The following TEP1 variants were observed in gnomAD, a reference collection of about 807,000 sequenced individuals.
TEP1 encodes telomerase protein component 1.
A neutral mutation model predicts 306.3 loss-of-function variants in TEP1; 241 were observed. The observed-to-expected ratio is 0.79, with a 90% CI of 0.71 to 0.88. The LOEUF is 0.88. TEP1 is among the 40% of genes least tolerant of loss of function. The pLI, the probability that TEP1 is intolerant of heterozygous loss-of-function variation, is 0.00. For missense variants in TEP1, 3,051 were observed against 3,276.1 expected (o/e 0.93, Z 1.68); for synonymous variants, 1,289 against 1,305.5 (o/e 0.99, Z 0.27).
At chr14:20,386,751 C>CAGGTGCTTCTCTGA in intron 18 of TEP1, 128 bp from the exon 19 acceptor site, 1 of 1,077,104 alleles carries the variant, frequency 9.3e-7, no homozygotes, top group Non-Finnish European at 1.2e-6. Flanking sequence ...GGGTGCCCAG[C>CAGGTGCTTCTCTGA]AGGCCTTCAG....
chr14:20,378,042 C>A lies in TEP1; in HGVS notation c.5703G>T (p.Thr1901=). 1 of 1,613,530 alleles carries A rather than the reference C, an allele frequency of 6.2e-7. No individual in the cohort carries two copies. Among genetic ancestry groups the A allele is most frequent in the Non-Finnish European group, 8.5e-7 (1 of 1,180,032 alleles). The part of the protein sequence containing the change: ...LFLHAGCQLL[T]AGEDGKVQVW... Reference sequence around the variant, plus strand: ...AGCTGACCTTGCCATCCTCTCCAGCCGTCAGTAACTGGCAACCCGCATGCA... The same window carrying A: ...AGCTGACCTTGCCATCCTCTCCAGCAGTCAGTAACTGGCAACCCGCATGCA... The change falls in exon 39 of 55, where the codon ACG becomes ACT. Residue 1901 remains threonine (T), a synonymous_variant. Transcript: ENST00000262715.
At chr14:20,396,576 A>T (rs200209294) in intron 10 of TEP1, 45 bp downstream of exon 10, 116 of 1,533,534 alleles carry the variant, frequency 7.6e-5, no homozygotes, top group Non-Finnish European at 9.7e-5. Flanking sequence ...CTCCACGTGC[A>T]CATCTAGTTG....
chr14:20,369,129 TC>T (rs1884663191), intron 53 of TEP1, among the ~76,000 whole-genome samples: 1 of 151,888 alleles, frequency 6.6e-6, no homozygotes. Flanking sequence ...TGCCTCAGAC[TC>T]CCGAGTAGCT....
At chr14:20,400,464 G>A (rs1383525721) in intron 9 of TEP1, among the ~76,000 whole-genome samples, 6 of 65,924 alleles carry the variant, frequency 9.1e-5, no homozygotes, top group Non-Finnish European at 2.2e-4. Flanking sequence ...AGTAAAAAAC[G>A]AAAGAAAGAG....
rs147704289 is a variant in TEP1 at position 20,383,304 on chromosome 14, G to A, written c.3917C>T (p.Thr1306Ile). Residue 1306 changes from threonine (T) to isoleucine (I), a missense_variant, in exon 27 of 55, where the codon ACC becomes ATC. Physicochemically the swap from Thr to Ile is moderately conservative, Grantham distance 89. This residue lies in a region of TEP1 where 1,540 missense variants were observed against 1,705.9 expected (regional missense o/e 0.90). Transcript: ENST00000262715. ...SVSSDAGLGE[T>I]LEQSQGAHVL... is the part of the protein sequence containing the mutation. ...GTGGGCACCCTGGCTCTGCTCAAGG[G>A]TCTCCCCTAGGCCTGCATCACTAGA... 2.5e-6 allele frequency: 4 copies of A among 1,612,080 alleles called. No individual in the cohort carries two copies. In the African/African-American group the frequency reaches 5.3e-5, roughly 22 times the overall value.
At chr14:20,369,887 A>G (rs1344881701) in intron 51 of TEP1, 108 bp from the exon 52 acceptor site, 1 of 738,744 alleles carries the variant, frequency 1.4e-6, no homozygotes, top group Non-Finnish European at 2.2e-6. Flanking sequence ...TTTTTTTTTT[A>G]ACTACAACTT....
chr14:20,387,516 T>C (rs1185187328), intron 18 of TEP1, among the ~76,000 whole-genome samples: 1 of 140,596 alleles, frequency 7.1e-6, no homozygotes, highest in Non-Finnish European at 1.5e-5. Flanking sequence ...CACGCCACTG[T>C]ACCCCAGACT....
At position 20,403,817 on chromosome 14, in the gene TEP1, T is replaced by C. The variant is rs1434495233; in HGVS notation, c.1100A>G (p.Asp367Gly). ...GTACTCGTCAAACTGGGCAAATTTGTCCGTCATGGCAGTACGGAGACAGGC... is the reference window on the plus strand; with the variant it reads ...GTACTCGTCAAACTGGGCAAATTTGCCCGTCATGGCAGTACGGAGACAGGC... Reference protein sequence around the residue: ...LPACLRTAMTDKFAQFDEYQL... With the variant: ...LPACLRTAMTGKFAQFDEYQL... Residue 367 changes from aspartate to glycine, a missense_variant, in exon 6 of 55, where the codon GAC becomes GGC. Physicochemically the swap from Asp to Gly is moderately conservative, Grantham distance 94. This residue lies in a region of TEP1 where 1,507 missense variants were observed against 1,550.5 expected (regional missense o/e 0.97). Transcript: ENST00000262715. 6.2e-7 allele frequency: 1 copy of C among 1,614,024 alleles called. No individual in the cohort carries two copies. Among genetic ancestry groups the C allele is most frequent in the African/African-American group, 1.3e-5 (1 of 74,918 alleles).
chr14:20,408,699 G>A (rs1008583002), intron 1 of TEP1, among the ~76,000 whole-genome samples: 4 of 152,138 alleles, frequency 2.6e-5, no homozygotes, highest in Admixed American at 1.3e-4. Flanking sequence ...CAGGTGCAGT[G>A]GCTCATGCCT....
chr14:20,405,719 A>T, intron 3 of TEP1, 134 bp from the exon 4 acceptor site: 1 of 1,098,396 alleles, frequency 9.1e-7, no homozygotes, highest in South Asian at 1.7e-5. Flanking sequence ...GAGAACTTAC[A>T]AAAGGGGATT....
At position 20,413,467 on chromosome 14, in the gene TEP1, G is replaced by A. The variant is rs1330915821; in HGVS notation, c.-87C>T. ...TCGCTCTGGATTCTGCCGGTGGGAA[G>A]GGTGGCAGCCGGGGGAGGAGCCGGA... On this transcript the variant is annotated 5_prime_UTR_variant, in exon 1 of 55. Coordinates refer to ENST00000262715, the MANE Select transcript of TEP1 (RefSeq NM_007110.5). 7.2e-5 allele frequency: 11 copies of A among 152,330 alleles called. No individual in the cohort carries two copies. The highest frequency in any genetic ancestry group is 1.6e-4 in the Non-Finnish European group (11 of 68,180). 9.4% of individuals were successfully genotyped at this position (152,330 alleles called of 1,614,324 possible).
At position 20,373,672 on chromosome 14, in the gene TEP1, T is replaced by C. The variant is rs1287890844; in HGVS notation, c.6604+6A>G. On this transcript the variant is annotated splice_donor_region_variant and intron_variant, in intron 45 of 54. Coordinates refer to ENST00000262715, the MANE Select transcript of TEP1 (RefSeq NM_007110.5). Reference sequence around the variant, plus strand: ...AGGGAAGGGGAGGTGGCTGACGTTTTGTTACCTGCACGGGGCTCCATGGCA... The same window carrying C: ...AGGGAAGGGGAGGTGGCTGACGTTTCGTTACCTGCACGGGGCTCCATGGCA... The C allele has an allele frequency of 6.2e-7, 1 of 1,614,044 alleles. No homozygotes were observed. The highest frequency in any genetic ancestry group is 1.7e-5 in the Admixed American group (1 of 59,994).
chr14:20,400,540 G>GAAAAA (rs1878613415), intron 9 of TEP1: 1 of 124,242 alleles, frequency 8.0e-6, no homozygotes. Flanking sequence ...AGAGAAAACT[G>GAAAAA]AAGATAACTT....
intron 1 of TEP1, among the ~76,000 whole-genome samples, chr14:20,409,539 T>A (rs1413968378): frequency 1.3e-5 from 2 of 152,158 alleles, no homozygotes; most frequent in African/African-American, 4.8e-5. Context: ...ATTCCACAGA[T>A]CCTAAATGTA....
intron 7 of TEP1, among the ~76,000 whole-genome samples, chr14:20,403,082 G>A (rs1229325703): frequency 6.7e-6 from 1 of 150,156 alleles, no homozygotes; most frequent in South Asian, 2.1e-4. Context: ...GCTTGAGCCT[G>A]TGAGGTGGAG....
In TEP1 at chr14:20,380,452, G is replaced by T. The variant is rs1434760609; in HGVS notation, c.4786C>A (p.Gln1596Lys). The change falls in exon 34 of 55, where the codon CAA becomes AAA. Residue 1596 changes from glutamine to lysine, a missense_variant. Gln to Lys is a moderately conservative substitution (Grantham distance 53, BLOSUM62 1). This residue lies in a region of TEP1 where 1,540 missense variants were observed against 1,705.9 expected (regional missense o/e 0.90). Transcript: ENST00000262715. ...LYASSVPKEE[Q>K]KLPEADVAVF... ...GCAACGTCAGCCTCGGGGAGCTTTTGTTCCTCTTTGGGGACTGAAGAAGCT... is the reference window on the plus strand; with the variant it reads ...GCAACGTCAGCCTCGGGGAGCTTTTTTTCCTCTTTGGGGACTGAAGAAGCT... 2 of 1,613,506 alleles carry T rather than the reference G, an allele frequency of 1.2e-6. No individual in the cohort carries two copies. Among genetic ancestry groups the T allele is most frequent in the African/African-American group, 1.3e-5 (1 of 74,926 alleles).
chr14:20,371,918 G>A (rs922943948), intron 49 of TEP1, among the ~76,000 whole-genome samples: 6 of 151,878 alleles, frequency 4.0e-5, no homozygotes, highest in Non-Finnish European at 5.9e-5. Flanking sequence ...GCCTAAATCC[G>A]TATCTCCCCT....
rs368485552 is a variant in TEP1 at position 20,382,511 on chromosome 14, T to C, written c.4140+112A>G. On this transcript the variant is annotated intron_variant, in intron 28 of 54. Coordinates refer to ENST00000262715, the MANE Select transcript of TEP1 (RefSeq NM_007110.5). ...AGTGAGGCGAGGTATGAGGCGAGGA[T>C]AGGGAGTGGGTGATCACAAGACAGC... 2.2e-5 allele frequency: 34 copies of C among 1,526,490 alleles called. 1 individual carries two copies. Among genetic ancestry groups the C allele is most frequent in the East Asian group, 1.1e-4 (5 of 44,180 alleles). 94.6% of individuals were successfully genotyped at this position (1,526,490 alleles called of 1,614,324 possible). A position where few individuals can be genotyped will look rare whatever the true frequency, so the allele number is the denominator to read the frequency against.
Position 20,378,156 on chromosome 14 carries a change from G to T in TEP1, c.5589C>A (p.Asp1863Glu), listed in dbSNP as rs755204312. ...GCCAGGCCCACAGCTCCACCATACT[G>T]TCCAGCCGGCCCACAGCCACAACCC... The part of the protein sequence containing the change: ...PGGVVAVGRL[D>E]SMVELWAWRE... Residue 1863 changes from aspartate to glutamate, a missense_variant, in exon 39 of 55, where the codon GAC becomes GAA. This residue lies in a region of TEP1 where 1,540 missense variants were observed against 1,705.9 expected (regional missense o/e 0.90). Transcript: ENST00000262715. The T allele has an allele frequency of 3.7e-6, 6 of 1,613,778 alleles. No homozygotes were observed. In the East Asian group the frequency reaches 1.1e-4, roughly 30 times the overall value.
Sources: gnomAD v4.1 joint callset for allele counts (sites outside exome capture counted in the v4.1 genomes callset) on GRCh38, gnomAD v4.1.1 for gene constraint, gnomAD v4.1.1 regional missense constraint, MANE v1.5 for transcripts, NCBI Gene and HGNC (gene_info 2026-07-23, HGNC 2026-07-21) for gene names.